Variants in MRTFB observed in about 807,000 individuals in gnomAD.
The protein encoded by MRTFB is myocardin-related transcription factor B.
MRTFB carries 29 observed loss-of-function variants against 104.2 expected under a neutral mutation model. That is an observed-to-expected ratio of 0.28 (90% CI 0.21 to 0.38). The LOEUF (loss-of-function observed/expected upper bound fraction) is 0.38, where lower values mean the gene tolerates loss of function less well. Among genes scored for constraint, MRTFB ranks in the 10% least tolerant of loss-of-function variants. The probability of loss-of-function intolerance (pLI) is 1.00; values close to 1 mark genes in which losing one functional copy is unlikely to be tolerated. For missense variants in MRTFB, 1,270 were observed against 1,341.6 expected (o/e 0.95, Z 0.83); for synonymous variants, 535 against 519.5 (o/e 1.03, Z -0.41).
At chr16:14,155,623 T>G (rs1187966068) in intron 3 of MRTFB, among the ~76,000 whole-genome samples, 1 of 152,202 alleles carries the variant, frequency 6.6e-6, no homozygotes, top group Non-Finnish European at 1.5e-5. Context: ...CTTCAAGGCC[T>G]TTCTTAAATT....
At chr16:14,104,011 G>T (rs2035844246) in intron 2 of MRTFB, among the ~76,000 whole-genome samples, 1 of 152,156 alleles carries the variant, frequency 6.6e-6, no homozygotes, top group Admixed American at 6.5e-5. Context: ...AAAAAATAAT[G>T]AAATGACATG....
chr16:14,259,263 C>T (rs985398974), intron 16 of MRTFB, among the ~76,000 whole-genome samples: 1 of 141,888 alleles, frequency 7.0e-6, no homozygotes, highest in African/African-American at 2.6e-5. Context: ...GGTGAAACCC[C>T]CGTCTCTACT....
At chr16:14,069,231 A>T (rs957323840), upstream of MRTFB, among the ~76,000 whole-genome samples, 2 of 152,048 alleles carry the variant, frequency 1.3e-5, no homozygotes, top group African/African-American at 4.8e-5. Flanking sequence ...TCAGCCTCCC[A>T]AAGTGCTGGG....
At chr16:14,053,729 C>CAA in the MRTFB span, among the ~76,000 whole-genome samples, 32 of 97,522 alleles carry the variant, frequency 3.3e-4, no homozygotes, top group Non-Finnish European at 5.2e-4. Flanking sequence ...GACTCCATCT[C>CAA]AAAAAAAAAA....
At chr16:14,209,680 TTA>T (rs1392083456) in intron 3 of MRTFB, among the ~76,000 whole-genome samples, 4 of 152,198 alleles carry the variant, frequency 2.6e-5, no homozygotes, top group Non-Finnish European at 5.9e-5. Flanking sequence ...TTCTTAGAAC[TTA>T]TAGAGTGAGA....
In MRTFB at chr16:14,265,391, GT is replaced by G. The variant is rs1333570362; in HGVS notation, c.*3952del. ...CAAAGAACATTAACTGGAAGGTCAG[GT>G]TTTTCAAGGAACATAGCTTACAAAT... is the stretch of plus-strand genomic sequence containing the variant. On this transcript the variant is annotated 3_prime_UTR_variant, in exon 17 of 17. Transcript: ENST00000571589. 1.3e-5 allele frequency: 2 copies of G among 152,186 alleles called. No homozygotes were observed. Among genetic ancestry groups the G allele is most frequent in the African/African-American group, 4.8e-5 (2 of 41,428 alleles). The allele number at this position is 152,186 out of a possible 1,614,324, so 9.4% of individuals were successfully genotyped here. A position where few individuals can be genotyped will look rare whatever the true frequency, so the allele number is the denominator to read the frequency against.
the MRTFB span, chr16:14,021,175 C>G: frequency 6.6e-6 from 1 of 152,226 alleles, no homozygotes; most frequent in Non-Finnish European, 1.5e-5. Flanking sequence ...TGTGGCTCAG[C>G]TGTGTCCTCT....
chr16:14,247,942 A>G (rs1221083425), intron 12 of MRTFB: 2 of 161,080 alleles, frequency 1.2e-5, no homozygotes, highest in African/African-American at 2.4e-5. Flanking sequence ...AGGAGTACTC[A>G]GGGAGTTCCC....
intron 3 of MRTFB, among the ~76,000 whole-genome samples, chr16:14,186,051 G>T (rs1397594393): frequency 6.6e-6 from 1 of 152,130 alleles, no homozygotes; most frequent in African/African-American, 2.4e-5. Context: ...AATGCATGGG[G>T]GGAGAATTTT....
chr16:14,078,227 A>G (rs1004414827), intron 1 of MRTFB, among the ~76,000 whole-genome samples: 9 of 152,318 alleles, frequency 5.9e-5, no homozygotes, highest in Admixed American at 2.6e-4. Context: ...CTGTAAGGAG[A>G]GAAACTGTGT....
At chr16:14,004,142 G>C in the MRTFB span, among the ~76,000 whole-genome samples, 3 of 152,182 alleles carry the variant, frequency 2.0e-5, no homozygotes, top group African/African-American at 7.2e-5. Context: ...AAGCCAGAAG[G>C]CTTGGTGGCA....
chr16:14,139,319 C>T (rs1264421984), intron 2 of MRTFB, among the ~76,000 whole-genome samples: 2 of 152,166 alleles, frequency 1.3e-5, no homozygotes, highest in African/African-American at 2.4e-5. Flanking sequence ...AGATGCACAG[C>T]ATCATTAGTC....
chr16:14,170,381 T>C (rs28448282), intron 3 of MRTFB: 25,811 of 152,190 alleles, frequency 0.17, 5,528 homozygotes, highest in African/African-American at 0.5. Flanking sequence ...GCAACCACAA[T>C]CTGGGTGACA....
In MRTFB at chr16:14,247,544, C is replaced by T. The variant is rs778832259; in HGVS notation, c.2247+37C>T. On this transcript the variant is annotated intron_variant, in intron 12 of 16. Transcript: ENST00000571589. Reference sequence around the variant, plus strand: ...GTCTTCTAACTACTTTGCCTTACAGCATGCATGGAATGCAAACCCTGCTAA... The same window carrying T: ...GTCTTCTAACTACTTTGCCTTACAGTATGCATGGAATGCAAACCCTGCTAA... 6 of 1,505,906 alleles carry T rather than the reference C, an allele frequency of 4.0e-6. No individual in the cohort carries two copies. The African/African-American group carries it at 5.5e-5, about 14-fold the overall frequency. 93.3% of individuals were successfully genotyped at this position (1,505,906 alleles called of 1,614,324 possible).
rs185161065 is a variant in MRTFB at position 14,247,663 on chromosome 16, T to G, written c.2247+156T>G. On this transcript the variant is annotated intron_variant, in intron 12 of 16. Coordinates refer to ENST00000571589, the MANE Select transcript of MRTFB (RefSeq NM_001308142.2). ...TGTGTGAGAGGGTTATTCAGAAATC[T>G]GAATATCTAGCACTGTTTTTATATA... 3.0e-5 allele frequency: 20 copies of G among 660,234 alleles called. No individual in the cohort carries two copies. The African/African-American group carries it at 3.5e-4, about 11-fold the overall frequency. The allele number at this position is 660,234 out of a possible 1,614,324, so 40.9% of individuals were successfully genotyped here. A position where few individuals can be genotyped will look rare whatever the true frequency, so the allele number is the denominator to read the frequency against.
At chr16:14,109,633 T>A (rs2036170247) in intron 2 of MRTFB, among the ~76,000 whole-genome samples, 1 of 152,200 alleles carries the variant, frequency 6.6e-6, no homozygotes, top group South Asian at 2.1e-4. Flanking sequence ...ATGGAGAAGA[T>A]GAGATCACCA....
At chr16:14,192,798 A>G (rs2040245779) in intron 3 of MRTFB, among the ~76,000 whole-genome samples, 1 of 152,124 alleles carries the variant, frequency 6.6e-6, no homozygotes, top group Non-Finnish European at 1.5e-5. Flanking sequence ...TGGGCCTTTT[A>G]TTCCTTGCCA....
At chr16:14,121,765 A>G (rs1273390671) in intron 2 of MRTFB, among the ~76,000 whole-genome samples, 1 of 152,208 alleles carries the variant, frequency 6.6e-6, no homozygotes, top group African/African-American at 2.4e-5. Context: ...GCACTCCCCC[A>G]TAGAGTTTTC....
chr16:14,037,165 G>A, the MRTFB span, among the ~76,000 whole-genome samples: 2 of 152,190 alleles, frequency 1.3e-5, no homozygotes, highest in Admixed American at 1.3e-4. Context: ...TGCCACTTAC[G>A]AGATGCATGA....
Sources: gnomAD v4.1 joint callset for allele counts (sites outside exome capture counted in the v4.1 genomes callset) on GRCh38, gnomAD v4.1.1 for gene constraint, MANE v1.5 for transcripts, NCBI Gene and HGNC (gene_info 2026-07-23, HGNC 2026-07-21) for gene names.